PRKCA: variants seen among roughly 807,000 people sequenced by gnomAD.
PRKCA encodes the protein protein kinase C alpha, also known as protein kinase C alpha type.
PRKCA carries 27 observed loss-of-function variants against 87.0 expected under a neutral mutation model. That is an observed-to-expected ratio of 0.31 (90% CI 0.23 to 0.43). PRKCA has a LOEUF of 0.43. PRKCA is among the 20% of genes least tolerant of loss of function. The probability of loss-of-function intolerance (pLI) is 1.00; values close to 1 mark genes in which losing one functional copy is unlikely to be tolerated. For missense variants in PRKCA, 518 were observed against 852.3 expected, an observed-to-expected ratio of 0.61 and a Z score of 4.88; for synonymous variants, 329 against 311.1, an observed-to-expected ratio of 1.06 and a Z score of -0.61.
At chr17:66,646,805 A>G (rs1115679) in intron 5 of PRKCA, among the ~76,000 whole-genome samples, 96,462 of 152,102 alleles carry the variant, frequency 0.63, 30,769 homozygotes, top group African/African-American at 0.72. Flanking sequence ...CCAAGGTATC[A>G]CTGGGAGAGG....
chr17:66,615,217 A>G (rs1023784712), intron 3 of PRKCA, among the ~76,000 whole-genome samples: 1 of 152,110 alleles, frequency 6.6e-6, no homozygotes, highest in Non-Finnish European at 1.5e-5. Context: ...TTCCACTAAT[A>G]TCTCATTTGT....
intron 11 of PRKCA, among the ~76,000 whole-genome samples, chr17:66,740,217 G>A (rs1434392321): frequency 2.6e-5 from 4 of 152,048 alleles, no homozygotes; most frequent in Non-Finnish European, 5.9e-5. Context: ...GATGGGATGC[G>A]GGAGTCGGCA....
chr17:66,337,210 G>C (rs1906754678), intron 2 of PRKCA, among the ~76,000 whole-genome samples: 1 of 152,126 alleles, frequency 6.6e-6, no homozygotes, highest in African/African-American at 2.4e-5. Flanking sequence ...AGGTTACATG[G>C]GGACTCTGAG....
intron 2 of PRKCA, among the ~76,000 whole-genome samples, chr17:66,376,480 C>T (rs1374352517): frequency 1.3e-5 from 2 of 152,024 alleles, no homozygotes; most frequent in Non-Finnish European, 2.9e-5. Flanking sequence ...TGGTGGTGGG[C>T]GCCTGTAAGT....
rs183910854 is a variant in PRKCA at position 66,808,437 on chromosome 17, G to A, written c.*4400G>A. ...TACCATCTGACAGTCATTTTCTCACGTTGGTCTTCTAAAGTCACCTATTTC... is the reference window on the plus strand; with the variant it reads ...TACCATCTGACAGTCATTTTCTCACATTGGTCTTCTAAAGTCACCTATTTC... On this transcript the variant is annotated 3_prime_UTR_variant, in exon 17 of 17. Coordinates refer to ENST00000413366, the MANE Select transcript of PRKCA (RefSeq NM_002737.3). The A allele has an allele frequency of 4.7e-4, 70 of 148,914 alleles. No individual in the cohort carries two copies. Among genetic ancestry groups the A allele is most frequent in the African/African-American group, 1.6e-3 (65 of 40,018 alleles). 9.2% of individuals were successfully genotyped at this position (148,914 alleles called of 1,614,324 possible).
At chr17:66,716,708 G>A (rs1345366808) in intron 8 of PRKCA, among the ~76,000 whole-genome samples, 2 of 152,144 alleles carry the variant, frequency 1.3e-5, no homozygotes, top group Non-Finnish European at 2.9e-5. Flanking sequence ...CACACACCGG[G>A]ATACTAGAGG....
chr17:66,394,336 G>C (rs1041067320), intron 2 of PRKCA, among the ~76,000 whole-genome samples: 2 of 152,226 alleles, frequency 1.3e-5, no homozygotes. Context: ...GTGTGCTTGG[G>C]CACAGTTAGG....
intron 2 of PRKCA, among the ~76,000 whole-genome samples, chr17:66,459,358 A>G (rs1014847051): frequency 2.6e-5 from 4 of 152,186 alleles, no homozygotes; most frequent in Non-Finnish European, 5.9e-5. Flanking sequence ...TCCAGCCTGG[A>G]TGACGGAACT....
Position 66,710,586 on chromosome 17 carries a change from G to A in PRKCA, c.918+21539G>A, listed in dbSNP as rs547102339. On this transcript the variant is annotated intron_variant, in intron 8 of 16. Transcript: ENST00000413366. ...CTCTCCACCCTTAAGGATGCACCGC[G>A]TGTTCTGGTAGCTTGAATCTCACAC... Among the ~76,000 whole-genome samples, 6 of 152,122 alleles carry A rather than the reference G, an allele frequency of 3.9e-5. No homozygotes were observed. The South Asian group carries it at 1.0e-3, about 26-fold the overall frequency.
intron 2 of PRKCA, among the ~76,000 whole-genome samples, chr17:66,315,308 G>A (rs1286015061): frequency 6.6e-6 from 1 of 152,088 alleles, no homozygotes; most frequent in African/African-American, 2.4e-5. Flanking sequence ...CAGCCACATA[G>A]TTAGAAAATG....
intron 14 of PRKCA, 159 bp downstream of exon 14, chr17:66,774,226 G>A: frequency 1.3e-6 from 2 of 1,493,346 alleles, no homozygotes; most frequent in Non-Finnish European, 1.8e-6. Flanking sequence ...CCCCTTCAAA[G>A]TGGATCACGT....
intron 2 of PRKCA, among the ~76,000 whole-genome samples, chr17:66,361,609 C>T (rs186339507): frequency 3.7e-4 from 57 of 152,262 alleles, no homozygotes; most frequent in Non-Finnish European, 6.5e-4. Context: ...CTGCGCCAGC[C>T]CATACATTGG....
intron 3 of PRKCA, among the ~76,000 whole-genome samples, chr17:66,579,965 C>T (rs929097869): frequency 6.6e-6 from 1 of 152,126 alleles, no homozygotes; most frequent in Non-Finnish European, 1.5e-5. Context: ...ACTCTCTCTC[C>T]TCGGCTCACT....
rs186059772 is a variant in PRKCA, at chr17:66,343,444, G to A, written c.205+37317G>A. On this transcript the variant is annotated intron_variant, in intron 2 of 16. Transcript: ENST00000413366. ...AGTTTCCCTCATTTGGTTGGTTTTC[G>A]GTTTTCATGGAAAGCTATTGAAGTG... 4.0e-3 allele frequency among the ~76,000 whole-genome samples: 609 copies of A among 152,180 alleles called. 3 individuals are homozygous for A. The highest frequency in any genetic ancestry group is 0.014 in the African/African-American group (595 of 41,508).
At position 66,735,777 on chromosome 17, in the gene PRKCA, G is replaced by T. The variant is rs1974008220; in HGVS notation, c.1230+115G>T. On this transcript the variant is annotated intron_variant, in intron 10 of 16. Transcript: ENST00000413366. The stretch of plus-strand genomic sequence containing the variant: ...AGAAGGCTGGAGAAAGGTGTGTTGT[G>T]ATGTCAAGCAGAGGTGACTGGGGAC... 5 of 1,270,734 alleles carry T rather than the reference G, an allele frequency of 3.9e-6. No homozygotes were observed. The African/African-American group carries it at 4.5e-5, about 11-fold the overall frequency. 78.7% of individuals were successfully genotyped at this position (1,270,734 alleles called of 1,614,324 possible). A position where few individuals can be genotyped will look rare whatever the true frequency, so the allele number is the denominator to read the frequency against.
chr17:66,518,157 A>C (rs994604263), intron 3 of PRKCA, among the ~76,000 whole-genome samples: 4 of 152,206 alleles, frequency 2.6e-5, no homozygotes, highest in Non-Finnish European at 4.4e-5. Context: ...GGCAGAAAAA[A>C]ATATTAGGCG....
In PRKCA at chr17:66,302,957, G is replaced by A; in HGVS notation, c.106G>A (p.Asp36Asn). 5 of 1,612,734 alleles carry A rather than the reference G, an allele frequency of 3.1e-6. No individual in the cohort carries two copies. Among genetic ancestry groups the A allele is most frequent in the African/African-American group, 1.3e-5 (1 of 74,906 alleles). Residue 36 changes from aspartate to asparagine, a missense_variant, in exon 1 of 17, where the codon GAC (aspartate) becomes AAC (asparagine). Transcript: ENST00000413366. The part of the protein sequence containing the change: ...LRQKNVHEVK[D>N]HKFIARFFKQ... Reference sequence around the variant, plus strand: ...GCAGAAGAACGTGCACGAGGTGAAGGACCACAAATTCATCGCGCGCTTCTT... The same window carrying A: ...GCAGAAGAACGTGCACGAGGTGAAGAACCACAAATTCATCGCGCGCTTCTT...
At chr17:66,504,937 G>A (rs769406625) in intron 3 of PRKCA, among the ~76,000 whole-genome samples, 10 of 152,094 alleles carry the variant, frequency 6.6e-5, no homozygotes, top group Non-Finnish European at 1.2e-4. Flanking sequence ...TGCATGTCCT[G>A]TCGGGACCCC....
At chr17:66,776,394 T>C (rs1228492901) in intron 14 of PRKCA, among the ~76,000 whole-genome samples, 1 of 152,164 alleles carries the variant, frequency 6.6e-6, no homozygotes, top group African/African-American at 2.4e-5. Flanking sequence ...CACTGCACCC[T>C]CCGCCTCCCA....
Sources: gnomAD v4.1 joint callset for allele counts (sites outside exome capture counted in the v4.1 genomes callset) on GRCh38, gnomAD v4.1.1 for gene constraint, MANE v1.5 for transcripts, NCBI Gene and HGNC (gene_info 2026-07-23, HGNC 2026-07-21) for gene names.